The following AR variants were observed in gnomAD, a reference collection of about 807,000 sequenced individuals.
AR encodes androgen receptor.
Under a neutral mutation model 53.9 loss-of-function variants are expected in AR, and 8 were observed. That is an observed-to-expected ratio of 0.15 (90% CI 0.09 to 0.27). The LOEUF is 0.27. Among genes scored for constraint, AR ranks in the 10% least tolerant of loss-of-function variants. The pLI is 1.00. For missense variants in AR, 639 were observed against 742.5 expected (o/e 0.86, Z 1.62); for synonymous variants, 359 against 316.4 (o/e 1.13, Z -1.43).
rs2147315236 is a variant in AR at position 67,545,393 on chromosome X, A to T, written c.247A>T (p.Ser83Cys). Residue 83 changes from serine to cysteine, a missense_variant, in exon 1 of 8, where the codon AGC (serine) becomes TGC (cysteine). By Grantham distance (112) the Ser-to-Cys change is moderately radical (BLOSUM62 -1). Around this residue, in one of 5 missense-constraint regions of AR, gnomAD observed 55 missense variants for 84.8 expected, o/e 0.65. Coordinates refer to ENST00000374690, the MANE Select transcript of AR (RefSeq NM_000044.6). Reference sequence around the variant, plus strand: ...GCAGCAGCAGCAGCAGCAAGAGACTAGCCCCAGGCAGCAGCAGCAGCAGCA... The same window carrying T: ...GCAGCAGCAGCAGCAGCAAGAGACTTGCCCCAGGCAGCAGCAGCAGCAGCA... ...QQQQQQQQETSPRQQQQQQGE... is the reference protein window; with the variant it reads ...QQQQQQQQETCPRQQQQQQGE... The T allele has an allele frequency of 8.6e-7, 1 of 1,165,363 alleles. No homozygotes were observed. The highest frequency in any genetic ancestry group is 1.1e-6 in the Non-Finnish European group (1 of 871,928).
chrX:67,561,349 C>T (rs1921292943), intron 1 of AR, among the ~76,000 whole-genome samples: 1 of 111,722 alleles, frequency 9.0e-6, no homozygotes, highest in Admixed American at 9.5e-5. Flanking sequence ...CCTCCATATC[C>T]ATGGATTCCA....
At chrX:67,670,883 G>A (rs1199166731) in intron 2 of AR, among the ~76,000 whole-genome samples, 3 of 111,011 alleles carry the variant, frequency 2.7e-5, no homozygotes, top group Non-Finnish European at 3.8e-5. Flanking sequence ...TTAGTTTGCT[G>A]AGGATGATGG....
In AR at chrX:67,546,442, C is replaced by G. The variant is rs1351656266; in HGVS notation, c.1296C>G (p.Ser432=). Residue 432 remains serine, a synonymous_variant, in exon 1 of 8, where the codon TCC becomes TCG. Coordinates refer to ENST00000374690, the MANE Select transcript of AR (RefSeq NM_000044.6). The part of the protein sequence containing the change: ...PGSGSPSAAA[S]SSWHTLFTAE... Reference sequence around the variant, plus strand: ...CTGGGTCACCCTCAGCCGCCGCTTCCTCATCCTGGCACACTCTCTTCACAG... The same window carrying G: ...CTGGGTCACCCTCAGCCGCCGCTTCGTCATCCTGGCACACTCTCTTCACAG... 9 of 1,184,937 alleles carry G rather than the reference C, an allele frequency of 7.6e-6. No homozygotes were observed. The highest frequency in any genetic ancestry group is 1.0e-5 in the Non-Finnish European group (9 of 882,574).
At chrX:67,666,059 A>T (rs1927246873) in intron 2 of AR, among the ~76,000 whole-genome samples, 1 of 111,684 alleles carries the variant, frequency 9.0e-6, no homozygotes, top group Admixed American at 9.5e-5. Context: ...TTTCTTTGTG[A>T]TACAAACAAT....
chrX:67,717,202 G>C (rs1465334915), intron 4 of AR, among the ~76,000 whole-genome samples: 6 of 112,011 alleles, frequency 5.4e-5, no homozygotes, highest in Non-Finnish European at 1.1e-4. Context: ...CAGTCAATAA[G>C]TGTTAGATTA....
At chrX:67,693,901 A>T (rs1295333644) in intron 3 of AR, among the ~76,000 whole-genome samples, 1 of 112,048 alleles carries the variant, frequency 8.9e-6, no homozygotes, top group Non-Finnish European at 1.9e-5. Flanking sequence ...GTTGAAGTAA[A>T]AATTGATTGT....
At chrX:67,611,900 T>A (rs1923901072) in intron 1 of AR, among the ~76,000 whole-genome samples, 2 of 111,902 alleles carry the variant, frequency 1.8e-5, no homozygotes, top group South Asian at 7.4e-4. Flanking sequence ...AACCAGATGG[T>A]TTCACAAAAA....
intron 2 of AR, among the ~76,000 whole-genome samples, chrX:67,660,900 T>A (rs2147461481): frequency 9.0e-6 from 1 of 111,398 alleles, no homozygotes; most frequent in African/African-American, 3.3e-5. Context: ...TGAGCAGTGG[T>A]TTGTAGTTCT....
At chrX:67,565,823 G>C (rs1267978322) in intron 1 of AR, among the ~76,000 whole-genome samples, 1 of 111,474 alleles carries the variant, frequency 9.0e-6, no homozygotes. Flanking sequence ...CTCCTGAGTA[G>C]CTGGGATTAC....
intron 1 of AR, among the ~76,000 whole-genome samples, chrX:67,606,842 A>T (rs759614705): frequency 4.5e-5 from 5 of 111,772 alleles, no homozygotes; most frequent in African/African-American, 1.6e-4. Context: ...ATCATTCTGG[A>T]GTCTGTTGCC....
rs182577929 is a variant in AR, at chrX:67,682,021, A to G, written c.1769-3989A>G. On this transcript the variant is annotated intron_variant, in intron 2 of 7. Transcript: ENST00000374690. ...CAGAAAAATAATTTGACAAAATTCA[A>G]CATCATTTTATGATAAAATCTTTCA... 8.0e-5 allele frequency among the ~76,000 whole-genome samples: 9 copies of G among 112,103 alleles called. 1 individual carries two copies. Among genetic ancestry groups the G allele is most frequent in the African/African-American group, 2.3e-4 (7 of 30,886 alleles).
intron 1 of AR, among the ~76,000 whole-genome samples, chrX:67,569,252 A>G (rs1206166039): frequency 9.1e-6 from 1 of 110,262 alleles, no homozygotes; most frequent in Non-Finnish European, 1.9e-5. Flanking sequence ...TATTATTAAA[A>G]TGCAAAAAGC....
intron 3 of AR, among the ~76,000 whole-genome samples, chrX:67,693,946 TAA>T (rs1441084084): frequency 9.0e-6 from 1 of 111,719 alleles, no homozygotes; most frequent in Non-Finnish European, 1.9e-5. Context: ...AGTCAACAAT[TAA>T]AAACATGTAA....
intron 2 of AR, chrX:67,680,848 T>G: frequency 3.2e-6 from 1 of 316,240 alleles, no homozygotes; most frequent in African/African-American, 2.6e-5. Flanking sequence ...AGAAACAAAC[T>G]TGAAAGCTGT....
At position 67,619,078 on chromosome X, in the gene AR, G is replaced by C. The variant is rs747504400; in HGVS notation, c.1617-24178G>C. On this transcript the variant is annotated intron_variant, in intron 1 of 7. Coordinates refer to ENST00000374690, the MANE Select transcript of AR (RefSeq NM_000044.6). Reference sequence around the variant, plus strand: ...TCAGAAGAGTCTGCTAACTGAAGGTGGAATCAGTGTTCCATATTGCTAATT... The same window carrying C: ...TCAGAAGAGTCTGCTAACTGAAGGTCGAATCAGTGTTCCATATTGCTAATT... Among the ~76,000 whole-genome samples, 9 of 111,547 alleles carry C rather than the reference G, an allele frequency of 8.1e-5. No individual in the cohort carries two copies. The South Asian group carries it at 3.4e-3, about 42-fold the overall frequency.
intron 2 of AR, among the ~76,000 whole-genome samples, chrX:67,663,534 C>T (rs1301249620): frequency 1.8e-5 from 2 of 112,234 alleles, no homozygotes; most frequent in South Asian, 7.4e-4. Context: ...GGAACCTGAC[C>T]TGTTTCTCTG....
rs200817861 is a variant in AR, at chrX:67,545,488, G to T, written c.342G>T (p.Gln114His). The change falls in exon 1 of 8, where the codon CAG becomes CAT. Residue 114 changes from glutamine (Q) to histidine (H), a missense_variant. This residue lies in a region of AR where 423 missense variants were observed against 377.0 expected (regional missense o/e 1.12). Coordinates refer to ENST00000374690, the MANE Select transcript of AR (RefSeq NM_000044.6). ...PTGYLVLDEE[Q>H]QPSQPQSALE... is the part of the protein sequence containing the mutation. ...GCTACCTGGTCCTGGATGAGGAACA[G>T]CAACCTTCACAGCCGCAGTCGGCCC... 8.3e-7 allele frequency: 1 copy of T among 1,198,775 alleles called. No individual in the cohort carries two copies. The highest frequency in any genetic ancestry group is 1.1e-6 in the Non-Finnish European group (1 of 889,130).
Position 67,637,734 on chromosome X carries a change from C to T in AR, c.1617-5522C>T, listed in dbSNP as rs984432347. Among the ~76,000 whole-genome samples, 16 of 111,225 alleles carry T rather than the reference C, an allele frequency of 1.4e-4. No homozygotes were observed. The Admixed American group carries it at 1.5e-3, about 11-fold the overall frequency. On this transcript the variant is annotated intron_variant, in intron 1 of 7. Transcript: ENST00000374690. ...TTCAGGCTTAACTGAAACTTTATAGCCATTGAACAGCAACACTCCATTTCC... is the reference window on the plus strand; with the variant it reads ...TTCAGGCTTAACTGAAACTTTATAGTCATTGAACAGCAACACTCCATTTCC...
At chrX:67,663,240 T>C (rs1302176759) in intron 2 of AR, among the ~76,000 whole-genome samples, 1 of 112,077 alleles carries the variant, frequency 8.9e-6, no homozygotes, top group Non-Finnish European at 1.9e-5. Context: ...TACAATTTGG[T>C]ATGTTTTTGC....
Sources: gnomAD v4.1 joint callset for allele counts (sites outside exome capture counted in the v4.1 genomes callset) on GRCh38, gnomAD v4.1.1 for gene constraint, gnomAD v4.1.1 regional missense constraint, MANE v1.5 for transcripts, NCBI Gene and HGNC (gene_info 2026-07-23, HGNC 2026-07-21) for gene names.